SMARCD3: variants seen among roughly 807,000 people sequenced by gnomAD.
SMARCD3 encodes the protein SWI/SNF related BAF chromatin remodeling complex subunit D3, also known as SWI/SNF-related matrix-associated actin-dependent regulator of chromatin subfamily D member 3.
Under a neutral mutation model 58.0 loss-of-function variants are expected in SMARCD3, and 14 were observed. That is an observed-to-expected ratio of 0.24 (90% CI 0.16 to 0.38). SMARCD3 has a LOEUF of 0.38. SMARCD3 is among the 10% of genes least tolerant of loss of function. The probability of loss-of-function intolerance (pLI) is 1.00; values close to 1 mark genes in which losing one functional copy is unlikely to be tolerated. For synonymous variants in SMARCD3, 253 were observed against 253.8 expected (o/e 1.00, Z 0.03); for missense variants, 408 against 636.9 (o/e 0.64, Z 3.87).
At chr7:151,268,148 G>A (rs1795054832) in intron 2 of SMARCD3, among the ~76,000 whole-genome samples, 1 of 152,166 alleles carries the variant, frequency 6.6e-6, no homozygotes, top group Non-Finnish European at 1.5e-5. Flanking sequence ...GTTACGAACT[G>A]GGCAGGGCAG....
Position 151,243,757 on chromosome 7 carries a change from C to G in SMARCD3, c.291-56G>C, listed in dbSNP as rs942111475. The stretch of plus-strand genomic sequence containing the variant: ...ACCATGGCGACAGATCTGGGCGTAA[C>G]GAGGCCACCTGCTAGATTATCCCGA... On this transcript the variant is annotated intron_variant, in intron 2 of 12. Coordinates refer to ENST00000262188, the MANE Select transcript of SMARCD3 (RefSeq NM_001003801.2). This position sits in a 1 kb window ranked among gnomAD's most constrained non-coding sequence, Gnocchi z 4.4. 2.3e-5 allele frequency: 28 copies of G among 1,219,398 alleles called. No homozygotes were observed. Among genetic ancestry groups the G allele is most frequent in the Middle Eastern group, 3.8e-4 (2 of 5,322 alleles). The allele number at this position is 1,219,398 out of a possible 1,614,324, so 75.5% of individuals were successfully genotyped here.
Position 151,238,991 on chromosome 7 carries a change from T to C in SMARCD3, c.*112A>G. 2 of 1,226,082 alleles carry C rather than the reference T, an allele frequency of 1.6e-6. No homozygotes were observed. Among genetic ancestry groups the C allele is most frequent in the Non-Finnish European group, 2.4e-6 (2 of 830,826 alleles). The allele number at this position is 1,226,082 out of a possible 1,614,324, so 76.0% of individuals were successfully genotyped here. ...CGGCTGCTGTCAGATGAATGACTTT[T>C]AATCCAGCCCCACACCCCAAGGTGG... On this transcript the variant is annotated 3_prime_UTR_variant, in exon 13 of 13. Transcript: ENST00000262188.
intron 2 of SMARCD3, among the ~76,000 whole-genome samples, chr7:151,273,817 C>T (rs1584901069): frequency 6.6e-6 from 1 of 152,180 alleles, no homozygotes; most frequent in South Asian, 2.1e-4. Flanking sequence ...TGGGCCAGGC[C>T]AGCTTCCCCA....
exon 2 of SMARCD3, chr7:151,275,115 T>C: frequency 6.2e-7 from 1 of 1,611,656 alleles, no homozygotes; most frequent in Non-Finnish European, 8.5e-7. Context: ...AGCACCTACC[T>C]GTACCACGGT....
At chr7:151,264,354 C>T (rs966077736) in intron 2 of SMARCD3, among the ~76,000 whole-genome samples, 8 of 152,154 alleles carry the variant, frequency 5.3e-5, no homozygotes, top group African/African-American at 1.7e-4. Context: ...CCACTGCACC[C>T]GGTCAAAGTC....
At chr7:151,258,958 T>C (rs1803805191) in intron 2 of SMARCD3, among the ~76,000 whole-genome samples, 3 of 151,746 alleles carry the variant, frequency 2.0e-5, no homozygotes, top group Admixed American at 1.3e-4. Context: ...GCCCATTTCT[T>C]TTATTCCCCT....
intron 2 of SMARCD3, chr7:151,274,995 G>C: frequency 1.3e-6 from 1 of 795,256 alleles, no homozygotes; most frequent in Admixed American, 2.1e-5. Flanking sequence ...AAGGAGTCCA[G>C]CTGGGGGCAG....
rs201541677 is a variant in SMARCD3, at chr7:151,239,079, G to A, written c.*24C>T. ...GGCCCGGGACACGGCTGAAAGTTCCGTCGTGCTGCTTATTTTTGGGCTCCT... is the reference window on the plus strand; with the variant it reads ...GGCCCGGGACACGGCTGAAAGTTCCATCGTGCTGCTTATTTTTGGGCTCCT... On this transcript the variant is annotated 3_prime_UTR_variant, in exon 13 of 13. Coordinates refer to ENST00000262188, the MANE Select transcript of SMARCD3 (RefSeq NM_001003801.2). The surrounding 1 kb of genome is among the most constrained non-coding windows in gnomAD (Gnocchi z 7.0). 17 of 1,613,118 alleles carry A rather than the reference G, an allele frequency of 1.1e-5. No homozygotes were observed. The highest frequency in any genetic ancestry group is 3.3e-5 in the Admixed American group (2 of 60,030).
intron 2 of SMARCD3, chr7:151,254,458 A>C (rs1803635390): frequency 6.6e-6 from 1 of 152,544 alleles, no homozygotes; most frequent in Non-Finnish European, 1.5e-5. Flanking sequence ...CTGTGACATG[A>C]GGGTGCTGCT....
Position 151,242,630 on chromosome 7 carries a change from C to T in SMARCD3, c.457-27G>A, listed in dbSNP as rs763151189. 5.6e-6 allele frequency: 9 copies of T among 1,611,952 alleles called. No individual in the cohort carries two copies. In the African/African-American group the frequency reaches 9.3e-5, roughly 17 times the overall value. On this transcript the variant is annotated intron_variant, in intron 4 of 12. Coordinates refer to ENST00000262188, the MANE Select transcript of SMARCD3 (RefSeq NM_001003801.2). This position sits in a 1 kb window ranked among gnomAD's most constrained non-coding sequence, Gnocchi z 4.7. ...TGTAGAAATAGAGTGCAGAACCGGG[C>T]GAATGCTGTGTGCTCCCACCCCGAC...
Position 151,274,007 on chromosome 7 carries a change from C to G in SMARCD3, c.39+1107G>C, listed in dbSNP as rs1461674146. ...GCAGAGAAAGCACTTTCATTCTGCC[C>G]ACAGCCCCAGGCCTCCCCGAGCCTC... On this transcript the variant is annotated intron_variant, in intron 2 of 13. Coordinates refer to the SMARCD3 transcript ENST00000356800. 2.0e-5 allele frequency among the ~76,000 whole-genome samples: 3 copies of G among 152,254 alleles called. No homozygotes were observed. The East Asian group carries it at 5.8e-4, about 29-fold the overall frequency.
Position 151,241,157 on chromosome 7 carries a change from C to G in SMARCD3, c.939+335G>C, listed in dbSNP as rs775026989. The G allele has an allele frequency of 7.9e-6, 3 of 380,548 alleles. No homozygotes were observed. The highest frequency in any genetic ancestry group is 1.5e-5 in the Non-Finnish European group (3 of 199,962). 23.6% of individuals were successfully genotyped at this position (380,548 alleles called of 1,614,324 possible). On this transcript the variant is annotated intron_variant, in intron 8 of 12. Coordinates refer to ENST00000262188, the MANE Select transcript of SMARCD3 (RefSeq NM_001003801.2). This position sits in a 1 kb window ranked among gnomAD's most constrained non-coding sequence, Gnocchi z 5.3. Reference sequence around the variant, plus strand: ...GAAACAAGGTTCAGAATCGCTGAGTCACTTACCCAGAGTCCAGACTCAGGA... The same window carrying G: ...GAAACAAGGTTCAGAATCGCTGAGTGACTTACCCAGAGTCCAGACTCAGGA...
chr7:151,248,721 CT>C, upstream of SMARCD3: 1 of 1,227,036 alleles, frequency 8.1e-7, no homozygotes. This position sits in a 1 kb window ranked among gnomAD's most constrained non-coding sequence, Gnocchi z 6.1. Flanking sequence ...CAGGGCTGCC[CT>C]GACGGCCCAC....
chr7:151,243,591 G>C lies in SMARCD3; in HGVS notation c.333+68C>G, dbSNP rs530212016. On this transcript the variant is annotated intron_variant, in intron 3 of 12. Coordinates refer to ENST00000262188, the MANE Select transcript of SMARCD3 (RefSeq NM_001003801.2). This position sits in a 1 kb window ranked among gnomAD's most constrained non-coding sequence, Gnocchi z 4.4. ...TGTGATGCTGAAGCTCTGCTTCTGAGGGGGGAGGGGAGGGCGGAGCAGCAA... is the reference window on the plus strand; with the variant it reads ...TGTGATGCTGAAGCTCTGCTTCTGACGGGGGAGGGGAGGGCGGAGCAGCAA... The C allele has an allele frequency of 8.9e-4, 764 of 859,618 alleles. 8 individuals carry two copies. The East Asian group carries it at 0.016, about 18-fold the overall frequency. The allele number at this position is 859,618 out of a possible 1,614,324, so 53.2% of individuals were successfully genotyped here.
chr7:151,248,778 G>C, upstream of SMARCD3: 4 of 835,430 alleles, frequency 4.8e-6, no homozygotes, highest in Non-Finnish European at 6.0e-6. The surrounding 1 kb of genome is among the most constrained non-coding windows in gnomAD (Gnocchi z 6.1). Context: ...CGCCGCCGCG[G>C]CTGCCGCATT....
At position 151,240,410 on chromosome 7, in the gene SMARCD3, C is replaced by G. The variant is rs745706989; in HGVS notation, c.1037+15G>C. The G allele has an allele frequency of 6.2e-7, 1 of 1,609,628 alleles. No homozygotes were observed. On this transcript the variant is annotated intron_variant, in intron 9 of 12. Transcript: ENST00000262188. ...ATCATTCCCTGGTCTGAGAAGCAAG[C>G]TGGGGCCACCTCACCTGATGACATG...
intron 2 of SMARCD3, among the ~76,000 whole-genome samples, chr7:151,259,407 G>C (rs890183057): frequency 6.9e-6 from 1 of 145,086 alleles, no homozygotes; most frequent in Non-Finnish European, 1.5e-5. Flanking sequence ...GTGTGTGTGT[G>C]TGTATGTGTG....
chr7:151,241,385 A>C lies in SMARCD3; in HGVS notation c.939+107T>G. ...ACCATGACTGTGTACTGCTTCTGCT[A>C]CTCAGGAATCTAGAAGGGAGGGGTG... On this transcript the variant is annotated intron_variant, in intron 8 of 12. Coordinates refer to ENST00000262188, the MANE Select transcript of SMARCD3 (RefSeq NM_001003801.2). The surrounding 1 kb of genome is among the most constrained non-coding windows in gnomAD (Gnocchi z 5.3). The C allele has an allele frequency of 1.1e-6, 1 of 941,874 alleles. No individual in the cohort carries two copies. Among genetic ancestry groups the C allele is most frequent in the Non-Finnish European group, 1.7e-6 (1 of 594,520 alleles). 58.3% of individuals were successfully genotyped at this position (941,874 alleles called of 1,614,324 possible).
intron 1 of SMARCD3, among the ~76,000 whole-genome samples, chr7:151,247,266 C>T (rs765129216): frequency 1.3e-5 from 2 of 152,108 alleles, no homozygotes; most frequent in Non-Finnish European, 2.9e-5. Context: ...AGCCTCTCCC[C>T]ACTAGATGGG....
Sources: allele counts gnomAD v4.1 joint callset (sites outside exome capture counted in the v4.1 genomes callset), GRCh38; gene constraint gnomAD v4.1.1; non-coding constraint Gnocchi (gnomAD v3.1); transcripts MANE v1.5; gene names NCBI Gene and HGNC (gene_info 2026-07-23, HGNC 2026-07-21).